TFCP2L1: variants seen among roughly 807,000 people sequenced by gnomAD.
The protein encoded by TFCP2L1 is transcription factor CP2 like 1.
Under a neutral mutation model 72.2 loss-of-function variants are expected in TFCP2L1, and 12 were observed. The ratio of observed to expected loss-of-function variants is 0.17; its 90% CI spans 0.11 to 0.27. TFCP2L1 has a LOEUF of 0.27. Among genes scored for constraint, TFCP2L1 ranks in the 10% least tolerant of loss-of-function variants. The pLI is 1.00. For missense variants in TFCP2L1, 488 were observed against 624.6 expected (o/e 0.78, Z 2.33); for synonymous variants, 260 against 251.0 (o/e 1.04, Z -0.34).
intron 1 of TFCP2L1, among the ~76,000 whole-genome samples, chr2:121,282,720 G>A (rs977321894): frequency 6.6e-6 from 1 of 152,052 alleles, no homozygotes; most frequent in African/African-American, 2.4e-5. Flanking sequence ...TTCCCTTCGT[G>A]GGTCCCTGAC....
rs377179811 is a variant in TFCP2L1, at chr2:121,225,572, G to T, written c.1383C>A (p.Ser461Arg). ...AGGGGGAGGCTTCACCTTTAATTGT[G>T]CTGAGGACAAAACAGGATTCATCTT... is the stretch of plus-strand genomic sequence containing the variant. ...NFQDESCFVL[S>R]TIKAESNDGY... The change falls in exon 14 of 15, where the codon AGC becomes AGA. Residue 461 changes from serine (S) to arginine (R), a missense_variant. Coordinates refer to ENST00000263707, the MANE Select transcript of TFCP2L1 (RefSeq NM_014553.3). 39 of 1,613,976 alleles carry T rather than the reference G, an allele frequency of 2.4e-5. No homozygotes were observed. Among genetic ancestry groups the T allele is most frequent in the Middle Eastern group, 3.3e-4 (2 of 6,082 alleles).
Position 121,281,422 on chromosome 2 carries a change from T to G in TFCP2L1, c.63-151A>C, listed in dbSNP as rs552023367. On this transcript the variant is annotated intron_variant, in intron 1 of 14. Transcript: ENST00000263707. ...GGTGCTGGCTGCACTCCTGCAACCC[T>G]CGAATACTCCAGATGCTTTAAAACA... 8 of 782,090 alleles carry G rather than the reference T, an allele frequency of 1.0e-5. No homozygotes were observed. In the South Asian group the frequency reaches 1.5e-4, roughly 15 times the overall value. The allele number at this position is 782,090 out of a possible 1,614,324, so 48.4% of individuals were successfully genotyped here.
At chr2:121,253,805 G>A (rs1487968894) in intron 2 of TFCP2L1, among the ~76,000 whole-genome samples, 1 of 152,038 alleles carries the variant, frequency 6.6e-6, no homozygotes, top group Non-Finnish European at 1.5e-5. Flanking sequence ...CAGCAGCAGG[G>A]TCCTGATCCA....
At chr2:121,262,553 C>T (rs758504940) in intron 2 of TFCP2L1, among the ~76,000 whole-genome samples, 6 of 152,148 alleles carry the variant, frequency 3.9e-5, no homozygotes, top group East Asian at 3.9e-4. Flanking sequence ...TGTCACAGAT[C>T]GATGAAGACT....
intron 8 of TFCP2L1, among the ~76,000 whole-genome samples, chr2:121,238,896 A>G (rs545713186): frequency 6.6e-6 from 1 of 152,180 alleles, no homozygotes; most frequent in East Asian, 1.9e-4. Flanking sequence ...TCTGCCAAGC[A>G]TGGGCTCTGA....
Position 121,284,992 on chromosome 2 carries a change from G to A in TFCP2L1, c.62+56C>T, listed in dbSNP as rs1385734539. The A allele has an allele frequency of 1.5e-5, 21 of 1,412,224 alleles. No individual in the cohort carries two copies. The East Asian group carries it at 2.5e-4, about 17-fold the overall frequency. The allele number at this position is 1,412,224 out of a possible 1,614,324, so 87.5% of individuals were successfully genotyped here. On this transcript the variant is annotated intron_variant, in intron 1 of 14. Coordinates refer to ENST00000263707, the MANE Select transcript of TFCP2L1 (RefSeq NM_014553.3). ...CCCTCTCCGCCCCTGGACGTCCAAC[G>A]GCGCCCGGCCCGCCGGCCCGGCCCG...
chr2:121,268,695 A>C (rs1191929600), intron 2 of TFCP2L1, among the ~76,000 whole-genome samples: 1 of 151,814 alleles, frequency 6.6e-6, no homozygotes, highest in Non-Finnish European at 1.5e-5. Context: ...AGCTGGGTAC[A>C]TCCAACTCCA....
At chr2:121,274,490 C>CTTATGTATAAGGCACATA (rs1403432169) in intron 2 of TFCP2L1, among the ~76,000 whole-genome samples, 4 of 152,022 alleles carry the variant, frequency 2.6e-5, no homozygotes, top group Non-Finnish European at 5.9e-5. Flanking sequence ...TCTTATGTGC[C>CTTATGTATAAGGCACATA]TAAGGTGTAT....
At chr2:121,271,682 A>C (rs1342607629) in intron 2 of TFCP2L1, among the ~76,000 whole-genome samples, 1 of 152,202 alleles carries the variant, frequency 6.6e-6, no homozygotes, top group Non-Finnish European at 1.5e-5. Flanking sequence ...TTTGCCAGGT[A>C]TTTGTTGTTC....
chr2:121,228,786 A>AAAG (rs1385590557), intron 13 of TFCP2L1, among the ~76,000 whole-genome samples: 1 of 151,398 alleles, frequency 6.6e-6, no homozygotes, highest in Non-Finnish European at 1.5e-5. Flanking sequence ...AAAAAAAAAA[A>AAAG]AAAAAAAAAA....
chr2:121,247,008 C>A (rs1346048137), intron 5 of TFCP2L1, 38 bp from the exon 6 acceptor site: 1 of 1,612,200 alleles, frequency 6.2e-7, no homozygotes, highest in Non-Finnish European at 8.5e-7. Context: ...CAAGGAGGCA[C>A]CAAGCAGGGT....
chr2:121,225,705 A>G, intron 13 of TFCP2L1, 92 bp from the exon 14 acceptor site: 4 of 1,392,802 alleles, frequency 2.9e-6, no homozygotes, highest in Non-Finnish European at 4.0e-6. Flanking sequence ...GCAGCTGCAG[A>G]AACACCACTG....
chr2:121,281,282 C>T lies in TFCP2L1; in HGVS notation c.63-11G>A, dbSNP rs202144839. The T allele has an allele frequency of 1.1e-4, 179 of 1,587,130 alleles. No individual in the cohort carries two copies. In the East Asian group the frequency reaches 3.3e-3, roughly 29 times the overall value. On this transcript the variant is annotated splice_polypyrimidine_tract_variant and intron_variant, in intron 1 of 14. Transcript: ENST00000263707. ...AGAGCGAGCACATCACTGCAACACACGGGAAGCAGAGGTCAGGAGCAGAGC... is the reference window on the plus strand; with the variant it reads ...AGAGCGAGCACATCACTGCAACACATGGGAAGCAGAGGTCAGGAGCAGAGC...
chr2:121,241,153 T>A (rs1460415958), intron 7 of TFCP2L1, among the ~76,000 whole-genome samples: 3 of 152,106 alleles, frequency 2.0e-5, no homozygotes. Flanking sequence ...GGGAAAGAGT[T>A]GCACAAAAAT....
chr2:121,284,705 C>G (rs1573406111), intron 1 of TFCP2L1, among the ~76,000 whole-genome samples: 1 of 152,200 alleles, frequency 6.6e-6, no homozygotes, highest in African/African-American at 2.4e-5. Flanking sequence ...TTCTCCGATA[C>G]GCGGGGGAGA....
chr2:121,261,304 T>C (rs1186883836), intron 2 of TFCP2L1, among the ~76,000 whole-genome samples: 1 of 152,164 alleles, frequency 6.6e-6, no homozygotes, highest in Non-Finnish European at 1.5e-5. Flanking sequence ...ACTTGGAAGA[T>C]AGTTACTGGG....
chr2:121,265,665 G>A (rs946877493), intron 2 of TFCP2L1, among the ~76,000 whole-genome samples: 9 of 151,962 alleles, frequency 5.9e-5, no homozygotes, highest in African/African-American at 2.2e-4. Context: ...TGTATTTTTA[G>A]TAGAGTCGGG....
chr2:121,273,154 T>C (rs1687078541), intron 2 of TFCP2L1, among the ~76,000 whole-genome samples: 1 of 152,230 alleles, frequency 6.6e-6, no homozygotes, highest in African/African-American at 2.4e-5. Flanking sequence ...AATTCATTAC[T>C]ATACTTAAGA....
At chr2:121,227,701 A>G (rs1325967049) in intron 13 of TFCP2L1, among the ~76,000 whole-genome samples, 1 of 136,640 alleles carries the variant, frequency 7.3e-6, no homozygotes, top group East Asian at 2.1e-4. Flanking sequence ...AAAATAAAAT[A>G]AAATATATAA....
Sources: allele counts gnomAD v4.1 joint callset (sites outside exome capture counted in the v4.1 genomes callset), GRCh38; gene constraint gnomAD v4.1.1; transcripts MANE v1.5; gene names NCBI Gene and HGNC (gene_info 2026-07-23, HGNC 2026-07-21).